PCDH15: variants seen among roughly 807,000 people sequenced by gnomAD.
The protein encoded by PCDH15 is protocadherin-15.
In PCDH15, 129 loss-of-function variants were observed where a neutral mutation model predicts 178.5. The ratio of observed to expected loss-of-function variants is 0.72; its 90% CI spans 0.63 to 0.84. PCDH15 has a LOEUF of 0.84. Ranked by LOEUF, PCDH15 falls within the 40% of genes least tolerant of loss-of-function variation. The pLI, the probability that PCDH15 is intolerant of heterozygous loss-of-function variation, is 0.00. For missense variants in PCDH15, 2,230 were observed against 2,099.9 expected (o/e 1.06, Z -1.21); for synonymous variants, 800 against 732.0 (o/e 1.09, Z -1.50).
At chr10:54,333,511 C>G (rs1342287) in intron 6 of PCDH15, among the ~76,000 whole-genome samples, 1 of 149,982 alleles carries the variant, frequency 6.7e-6, no homozygotes, top group African/African-American at 2.5e-5. Flanking sequence ...TAGATCAACC[C>G]TAAGTAAAAG....
At chr10:55,008,671 A>G (rs533692226) in intron 2 of PCDH15, among the ~76,000 whole-genome samples, 52 of 152,140 alleles carry the variant, frequency 3.4e-4, no homozygotes, top group Non-Finnish European at 6.3e-4. Flanking sequence ...CCCAGCAACA[A>G]GTAAATCCGT....
chr10:54,297,590 C>T (rs1177271853), intron 8 of PCDH15, among the ~76,000 whole-genome samples: 1 of 152,164 alleles, frequency 6.6e-6, no homozygotes, highest in East Asian at 1.9e-4. Context: ...GATAAACCTC[C>T]TCTAATCTCC....
intron 2 of PCDH15, among the ~76,000 whole-genome samples, chr10:55,373,229 G>C (rs947985413): frequency 6.6e-6 from 1 of 152,050 alleles, no homozygotes; most frequent in African/African-American, 2.4e-5. Flanking sequence ...CATTTATGTA[G>C]CTATATACAA....
At chr10:55,394,681 A>C (rs1437220327) in intron 2 of PCDH15, among the ~76,000 whole-genome samples, 1 of 151,790 alleles carries the variant, frequency 6.6e-6, no homozygotes, top group Non-Finnish European at 1.5e-5. Context: ...TTCCAGTAGA[A>C]AATTAAAAAA....
intron 5 of PCDH15, among the ~76,000 whole-genome samples, chr10:54,348,688 T>G (rs1943701896): frequency 6.6e-6 from 1 of 152,174 alleles, no homozygotes; most frequent in African/African-American, 2.4e-5. Context: ...ATTATATACT[T>G]TTTTGTGGTG....
intron 1 of PCDH15, among the ~76,000 whole-genome samples, chr10:55,215,223 C>T (rs1840672832): frequency 6.6e-6 from 1 of 152,054 alleles, no homozygotes; most frequent in African/African-American, 2.4e-5. Context: ...TATTTTAAAA[C>T]TTTAACTTGT....
chr10:54,679,826 A>G (rs529145936), intron 1 of PCDH15, among the ~76,000 whole-genome samples: 5 of 152,338 alleles, frequency 3.3e-5, no homozygotes, highest in Non-Finnish European at 5.9e-5. Context: ...TTGTTACTTT[A>G]GTTTCTTAAA....
At chr10:55,131,771 G>T (rs1277183855) in intron 2 of PCDH15, among the ~76,000 whole-genome samples, 1 of 152,068 alleles carries the variant, frequency 6.6e-6, no homozygotes, top group Non-Finnish European at 1.5e-5. Context: ...TGACTTTGTG[G>T]TTTTTATGGG....
chr10:55,319,441 G>C (rs1843826040), intron 1 of PCDH15, among the ~76,000 whole-genome samples: 1 of 152,074 alleles, frequency 6.6e-6, no homozygotes, highest in Non-Finnish European at 1.5e-5. Flanking sequence ...GGGCTAACTA[G>C]AGGGTGGCAA....
chr10:54,771,192 C>T (rs1021617858), intron 1 of PCDH15, among the ~76,000 whole-genome samples: 7 of 151,974 alleles, frequency 4.6e-5, no homozygotes, highest in African/African-American at 1.7e-4. Context: ...TTAATACCCC[C>T]AATATTTGTT....
chr10:54,986,334 A>C (rs923314264), intron 2 of PCDH15, among the ~76,000 whole-genome samples: 1 of 132,324 alleles, frequency 7.6e-6, no homozygotes, highest in South Asian at 2.4e-4. Flanking sequence ...CATTAGGCAC[A>C]CAGGATTGAG....
intron 1 of PCDH15, among the ~76,000 whole-genome samples, chr10:54,779,533 C>CACACATATATGTGTGTAT (rs1555192948): frequency 3.7e-3 from 104 of 27,894 alleles, no homozygotes; most frequent in African/African-American, 4.5e-3. Flanking sequence ...TATACACACA[C>CACACATATATGTGTGTAT]ATATATATAG....
intron 2 of PCDH15, among the ~76,000 whole-genome samples, chr10:54,918,885 C>T (rs1801861959): frequency 6.6e-6 from 1 of 152,052 alleles, no homozygotes; most frequent in African/African-American, 2.4e-5. Context: ...ATGCTGAATA[C>T]ACCAAACATC....
chr10:54,738,000 G>T (rs1332445080), intron 1 of PCDH15, among the ~76,000 whole-genome samples: 1 of 152,054 alleles, frequency 6.6e-6, no homozygotes, highest in Non-Finnish European at 1.5e-5. Context: ...CAGCCAAATG[G>T]ATAATGGGGG....
intron 2 of PCDH15, among the ~76,000 whole-genome samples, chr10:55,137,500 A>T (rs1838226458): frequency 6.6e-6 from 1 of 151,402 alleles, no homozygotes; most frequent in African/African-American, 2.4e-5. Context: ...ATTTCTCAGA[A>T]CAACCTTAAG....
chr10:54,354,389 T>C (rs1408742562), intron 5 of PCDH15, among the ~76,000 whole-genome samples: 1 of 152,236 alleles, frequency 6.6e-6, no homozygotes, highest in Non-Finnish European at 1.5e-5. Flanking sequence ...AATGTATTAA[T>C]ATGTGCTTCT....
chr10:53,960,655 C>T (rs531041512), intron 22 of PCDH15, among the ~76,000 whole-genome samples: 8 of 152,110 alleles, frequency 5.3e-5, no homozygotes, highest in African/African-American at 1.9e-4. Flanking sequence ...TGCAGGTTAA[C>T]AATGTAAACT....
At chr10:55,139,254 CTCT>C (rs1443878605) in intron 2 of PCDH15, among the ~76,000 whole-genome samples, 1 of 151,428 alleles carries the variant, frequency 6.6e-6, no homozygotes, top group Non-Finnish European at 1.5e-5. Context: ...TCTTTTAATC[CTCT>C]TATCGAGGTA....
chr10:54,088,519 G>A (rs1222661218), intron 16 of PCDH15, among the ~76,000 whole-genome samples: 2 of 151,982 alleles, frequency 1.3e-5, no homozygotes, highest in Non-Finnish European at 2.9e-5. Flanking sequence ...ACTTTAGGAT[G>A]GTGCTCCTTG....
Sources: gnomAD v4.1 joint callset for allele counts (sites outside exome capture counted in the v4.1 genomes callset) on GRCh38, gnomAD v4.1.1 for gene constraint, MANE v1.5 for transcripts, NCBI Gene and HGNC (gene_info 2026-07-23, HGNC 2026-07-21) for gene names.